UNC5D: variants seen among roughly 807,000 people sequenced by gnomAD.
UNC5D encodes the protein netrin receptor UNC5D.
UNC5D carries 39 observed loss-of-function variants against 105.4 expected under a neutral mutation model. The observed-to-expected ratio is 0.37, with a 90% CI of 0.29 to 0.48. UNC5D has a LOEUF of 0.48. UNC5D is among the 20% of genes least tolerant of loss of function. UNC5D has a pLI of 0.98. For synonymous variants in UNC5D, 452 were observed against 450.4 expected, an observed-to-expected ratio of 1.00 and a Z score of -0.04; for missense variants, 991 against 1,202.4, an observed-to-expected ratio of 0.82 and a Z score of 2.60.
chr8:35,316,384 T>C (rs1451959051), intron 1 of UNC5D, among the ~76,000 whole-genome samples: 1 of 152,150 alleles, frequency 6.6e-6, no homozygotes, highest in Non-Finnish European at 1.5e-5. Context: ...GAAAGGGGCT[T>C]ACTGAATATA....
At chr8:35,633,579 C>T (rs1300911236) in intron 4 of UNC5D, among the ~76,000 whole-genome samples, 1 of 151,708 alleles carries the variant, frequency 6.6e-6, no homozygotes, top group African/African-American at 2.4e-5. Context: ...GAGACCTCAT[C>T]TCTACAAAAA....
At chr8:35,475,350 GC>G (rs1440672105) in intron 1 of UNC5D, among the ~76,000 whole-genome samples, 2 of 152,162 alleles carry the variant, frequency 1.3e-5, no homozygotes, top group African/African-American at 4.8e-5. Flanking sequence ...CCAAGTGGAG[GC>G]CCAGAAGGGG....
intron 1 of UNC5D, among the ~76,000 whole-genome samples, chr8:35,393,993 C>A (rs1000713527): frequency 1.3e-5 from 2 of 151,936 alleles, no homozygotes; most frequent in African/African-American, 4.8e-5. Flanking sequence ...CATCCTTCTT[C>A]CTCTTTCTCC....
intron 1 of UNC5D, among the ~76,000 whole-genome samples, chr8:35,428,787 GC>G (rs1806429212): frequency 6.6e-6 from 1 of 152,012 alleles, no homozygotes; most frequent in Non-Finnish European, 1.5e-5. Flanking sequence ...GGTAGTGACA[GC>G]TCAGATATGA....
intron 1 of UNC5D, among the ~76,000 whole-genome samples, chr8:35,536,080 A>C (rs1814812811): frequency 6.6e-6 from 1 of 152,224 alleles, no homozygotes; most frequent in African/African-American, 2.4e-5. Flanking sequence ...TTGATAAAAA[A>C]TATCAGGAGG....
chr8:35,412,467 C>CAA (rs201996053), intron 1 of UNC5D, among the ~76,000 whole-genome samples: 16 of 135,284 alleles, frequency 1.2e-4, no homozygotes, highest in East Asian at 1.0e-3. Flanking sequence ...TATGTTATGA[C>CAA]AAAAAAAAAA....
At chr8:35,695,710 ATTATTTATTTATTTAT>A (rs59029374) in intron 7 of UNC5D, among the ~76,000 whole-genome samples, 30 of 146,418 alleles carry the variant, frequency 2.0e-4, no homozygotes, top group South Asian at 1.1e-3. Flanking sequence ...GTATTTTTAT[ATTATTTATTTATTTAT>A]TTATTTATTT....
At chr8:35,732,766 AGCTC>A (rs1026327640) in intron 11 of UNC5D, among the ~76,000 whole-genome samples, 2 of 152,058 alleles carry the variant, frequency 1.3e-5, no homozygotes, top group African/African-American at 4.8e-5. Context: ...GCCTGTGTTG[AGCTC>A]ATTCCTCTCA....
chr8:35,574,289 G>A (rs1188195523), intron 3 of UNC5D, among the ~76,000 whole-genome samples: 1 of 152,148 alleles, frequency 6.6e-6, no homozygotes. Flanking sequence ...AGAAGAAAGG[G>A]AATGTTTGCC....
chr8:35,338,437 G>C (rs1323090360), intron 1 of UNC5D, among the ~76,000 whole-genome samples: 2 of 152,068 alleles, frequency 1.3e-5, no homozygotes, highest in Non-Finnish European at 1.5e-5. Context: ...AAGCCAGAGA[G>C]TATGTTTGCC....
chr8:35,558,126 C>CAA (rs34368244), intron 2 of UNC5D, among the ~76,000 whole-genome samples: 1,924 of 84,076 alleles, frequency 0.023, 86 homozygotes, highest in African/African-American at 0.071. Context: ...AACTTCGTCT[C>CAA]AAAAAAAAAA....
intron 8 of UNC5D, among the ~76,000 whole-genome samples, chr8:35,712,508 ATG>A (rs1467419991): frequency 6.6e-6 from 1 of 152,214 alleles, no homozygotes; most frequent in Non-Finnish European, 1.5e-5. Flanking sequence ...CCCAAAATGC[ATG>A]TGTCTTTAAA....
intron 1 of UNC5D, among the ~76,000 whole-genome samples, chr8:35,389,956 G>C (rs377336499): frequency 6.6e-6 from 1 of 152,154 alleles, no homozygotes; most frequent in East Asian, 1.9e-4. Flanking sequence ...TTGCTATAAA[G>C]AAATACCTGA....
chr8:35,386,396 A>G (rs182086692), intron 1 of UNC5D, among the ~76,000 whole-genome samples: 33 of 152,378 alleles, frequency 2.2e-4, no homozygotes, highest in African/African-American at 6.7e-4. Context: ...CTGCAAATCA[A>G]TCGGTTGACT....
chr8:35,439,923 G>T (rs1276409787), intron 1 of UNC5D, among the ~76,000 whole-genome samples: 1 of 151,950 alleles, frequency 6.6e-6, no homozygotes, highest in Admixed American at 6.6e-5. Flanking sequence ...CACTTTTAAA[G>T]GTAAACTGAA....
intron 8 of UNC5D, among the ~76,000 whole-genome samples, chr8:35,718,097 CT>C (rs57590798): frequency 0.021 from 2,968 of 142,874 alleles, 54 homozygotes; most frequent in African/African-American, 0.044. Flanking sequence ...GGTTTGGGGG[CT>C]TTTTTTTTTT....
At chr8:35,525,056 C>G in intron 1 of UNC5D, 1 of 861,858 alleles carries the variant, frequency 1.2e-6, no homozygotes, top group Non-Finnish European at 1.8e-6. Flanking sequence ...GAAATGCTGA[C>G]CCTTTGTTAA....
At chr8:35,271,699 G>A (rs3044092) in intron 1 of UNC5D, among the ~76,000 whole-genome samples, 87 of 23,154 alleles carry the variant, frequency 3.8e-3, no homozygotes, top group Admixed American at 9.9e-3. Context: ...ATGTATACAT[G>A]TATACATATA....
chr8:35,641,366 C>CAAAAAA (rs377021599), intron 4 of UNC5D, among the ~76,000 whole-genome samples: 102 of 44,240 alleles, frequency 2.3e-3, no homozygotes, highest in East Asian at 5.9e-3. Flanking sequence ...AAAAATAAAG[C>CAAAAAA]AAAAAAAAAA....
Sources: gnomAD v4.1 joint callset for allele counts (sites outside exome capture counted in the v4.1 genomes callset) on GRCh38, gnomAD v4.1.1 for gene constraint, MANE v1.5 for transcripts, NCBI Gene and HGNC (gene_info 2026-07-23, HGNC 2026-07-21) for gene names.